Variants in RSRC1 observed in about 807,000 individuals in gnomAD.
RSRC1 encodes arginine and serine rich coiled-coil 1.
RSRC1 carries 39 observed loss-of-function variants against 49.1 expected under a neutral mutation model. The observed-to-expected ratio is 0.79, with a 90% CI of 0.61 to 1.04. The LOEUF (loss-of-function observed/expected upper bound fraction) is 1.04. Ranked by LOEUF, RSRC1 falls within the 50% of genes least tolerant of loss-of-function variation. The pLI is 0.00. For synonymous variants in RSRC1, 143 were observed against 130.8 expected, an observed-to-expected ratio of 1.09 and a Z score of -0.63; for missense variants, 388 against 402.4, an observed-to-expected ratio of 0.96 and a Z score of 0.31.
At chr3:158,456,008 A>G (rs1737293281) in intron 6 of RSRC1, among the ~76,000 whole-genome samples, 1 of 149,186 alleles carries the variant, frequency 6.7e-6, no homozygotes, top group Admixed American at 6.7e-5. Flanking sequence ...AAAAAAAAAA[A>G]AAAAAAGGAG....
intron 6 of RSRC1, among the ~76,000 whole-genome samples, chr3:158,377,803 G>C (rs1219608403): frequency 6.6e-6 from 1 of 152,004 alleles, no homozygotes; most frequent in Admixed American, 6.6e-5. Flanking sequence ...GAGATTGCAG[G>C]TGCCTGCCAC....
chr3:158,111,683 A>G (rs1358398333), intron 1 of RSRC1, among the ~76,000 whole-genome samples: 34 of 152,228 alleles, frequency 2.2e-4, no homozygotes, highest in Admixed American at 2.0e-3. Flanking sequence ...TGGATTTCCC[A>G]TTGAAATAAC....
intron 3 of RSRC1, among the ~76,000 whole-genome samples, chr3:158,197,597 T>C (rs1020872047): frequency 1.3e-4 from 20 of 152,198 alleles, no homozygotes; most frequent in African/African-American, 3.4e-4. Flanking sequence ...ATGTCAATTT[T>C]AGATCTTTCC....
intron 7 of RSRC1, among the ~76,000 whole-genome samples, chr3:158,517,270 A>G (rs1335911504): frequency 1.3e-5 from 2 of 152,152 alleles, no homozygotes; most frequent in African/African-American, 4.8e-5. Flanking sequence ...TTATCTGTAA[A>G]TACTTTTGGG....
chr3:158,144,821 G>A (rs766743323), intron 3 of RSRC1, among the ~76,000 whole-genome samples: 2 of 152,062 alleles, frequency 1.3e-5, no homozygotes, highest in African/African-American at 4.8e-5. Context: ...TCTAATGATC[G>A]CCATTCTTAC....
chr3:158,459,242 A>T (rs1737496404), intron 6 of RSRC1, among the ~76,000 whole-genome samples: 1 of 152,156 alleles, frequency 6.6e-6, no homozygotes, highest in African/African-American at 2.4e-5. Flanking sequence ...TAATATTCCT[A>T]TGAATTGTCC....
At chr3:158,247,637 C>T (rs540986645) in intron 4 of RSRC1, among the ~76,000 whole-genome samples, 2 of 152,262 alleles carry the variant, frequency 1.3e-5, no homozygotes, top group South Asian at 4.1e-4. Context: ...AGTCTAGCCT[C>T]TCTTCTGTAG....
At chr3:158,283,882 T>G (rs1578285300) in intron 4 of RSRC1, among the ~76,000 whole-genome samples, 2 of 1,242 alleles carry the variant, frequency 1.6e-3, no homozygotes, top group South Asian at 0.026. Flanking sequence ...ATTTGTTTTC[T>G]TTTTTTTTTT....
chr3:158,378,728 G>T (rs1205016500), intron 6 of RSRC1, among the ~76,000 whole-genome samples: 1 of 152,074 alleles, frequency 6.6e-6, no homozygotes, highest in Non-Finnish European at 1.5e-5. Flanking sequence ...ACTTCCAGTG[G>T]CTGGATTTGC....
At chr3:158,494,838 C>A (rs1243667769) in intron 7 of RSRC1, among the ~76,000 whole-genome samples, 1 of 152,096 alleles carries the variant, frequency 6.6e-6, no homozygotes, top group Non-Finnish European at 1.5e-5. Context: ...TGTTTAGGGG[C>A]AATAACATGC....
chr3:158,254,401 A>G (rs562707028), intron 4 of RSRC1, among the ~76,000 whole-genome samples: 2 of 151,856 alleles, frequency 1.3e-5, no homozygotes, highest in African/African-American at 4.8e-5. Flanking sequence ...AAGCGTTTCT[A>G]TTTCTCCACA....
intron 7 of RSRC1, among the ~76,000 whole-genome samples, chr3:158,536,487 A>G (rs2108504844): frequency 6.6e-6 from 1 of 151,516 alleles, no homozygotes; most frequent in Admixed American, 6.6e-5. Context: ...CTTTTTTACA[A>G]TTAGTGAAAA....
chr3:158,145,554 G>T (rs190052805), intron 3 of RSRC1, among the ~76,000 whole-genome samples: 106 of 152,278 alleles, frequency 7.0e-4, no homozygotes, highest in Non-Finnish European at 1.4e-3. Context: ...ATAGTTTGAA[G>T]TCAGGTAGCA....
chr3:158,442,703 C>G (rs1464471356), intron 6 of RSRC1, among the ~76,000 whole-genome samples: 1 of 152,068 alleles, frequency 6.6e-6, no homozygotes, highest in Non-Finnish European at 1.5e-5. Context: ...TGGCAAAATC[C>G]TTTCCAGAAG....
chr3:158,306,222 C>T (rs1727830607), intron 5 of RSRC1, among the ~76,000 whole-genome samples: 1 of 151,840 alleles, frequency 6.6e-6, no homozygotes, highest in Non-Finnish European at 1.5e-5. Context: ...TTAATAGTTA[C>T]CACTCATCTC....
chr3:158,363,386 C>T (rs1425381917), intron 6 of RSRC1, among the ~76,000 whole-genome samples: 1 of 151,946 alleles, frequency 6.6e-6, no homozygotes, highest in Non-Finnish European at 1.5e-5. Context: ...GCCTTAGCCT[C>T]CCAAGTAGCT....
chr3:158,219,461 T>C (rs1217962753), intron 4 of RSRC1, among the ~76,000 whole-genome samples: 3 of 151,666 alleles, frequency 2.0e-5, no homozygotes, highest in African/African-American at 4.8e-5. Context: ...TCCATGTAAT[T>C]ACATTTATTA....
At chr3:158,124,121 C>T in intron 3 of RSRC1, 130 bp downstream of exon 3, 6 of 560,424 alleles carry the variant, frequency 1.1e-5, no homozygotes, top group Non-Finnish European at 1.7e-5. Flanking sequence ...ATTTTTTTCT[C>T]ACCTGGGGTC....
chr3:158,118,916 A>C (rs532475725), intron 1 of RSRC1, among the ~76,000 whole-genome samples: 1 of 152,208 alleles, frequency 6.6e-6, no homozygotes, highest in Non-Finnish European at 1.5e-5. Flanking sequence ...CAGATATTCA[A>C]GAATCCTCTT....
Sources: gnomAD v4.1 joint callset for allele counts (sites outside exome capture counted in the v4.1 genomes callset) on GRCh38, gnomAD v4.1.1 for gene constraint, MANE v1.5 for transcripts, NCBI Gene and HGNC (gene_info 2026-07-23, HGNC 2026-07-21) for gene names.